The following RCL1 variants were observed in gnomAD, a reference collection of about 807,000 sequenced individuals.
The protein encoded by RCL1 is RNA 3'-terminal phosphate cyclase-like protein.
In RCL1, 24 loss-of-function variants were observed where a neutral mutation model predicts 42.4. The observed-to-expected ratio is 0.57, with a 90% confidence interval of 0.41 to 0.80. The LOEUF is 0.80. Ranked by LOEUF, RCL1 falls within the 30% of genes least tolerant of loss-of-function variation. The pLI is 0.00. For synonymous variants in RCL1, 228 were observed against 177.3 expected (o/e 1.29, Z -2.27); for missense variants, 578 against 467.9 (o/e 1.24, Z -2.17).
At chr9:4,814,900 G>T (rs74308880) in intron 1 of RCL1, among the ~76,000 whole-genome samples, 2 of 148,394 alleles carry the variant, frequency 1.3e-5, no homozygotes, top group African/African-American at 2.5e-5. Flanking sequence ...TTTGGTTGAC[G>T]TTTTTTTTTT....
At chr9:4,834,322 A>G in intron 5 of RCL1, 57 bp downstream of exon 5, 2 of 1,556,822 alleles carry the variant, frequency 1.3e-6, no homozygotes, top group Admixed American at 1.8e-5. Context: ...CCTCACTAAG[A>G]TAAGAATGAC....
chr9:4,851,950 C>T (rs191502872), intron 8 of RCL1, among the ~76,000 whole-genome samples: 6 of 147,514 alleles, frequency 4.1e-5, no homozygotes, highest in African/African-American at 1.0e-4. Flanking sequence ...GCGCAATCTC[C>T]GCCCACTGCA....
At chr9:4,839,583 TGTTTGTCTAAGCTGTCTG>T in intron 5 of RCL1, 1 of 828,102 alleles carries the variant, frequency 1.2e-6, no homozygotes, top group Non-Finnish European at 1.5e-6. Context: ...GATTCAGGAC[TGTTTGTCTAAGCTGTCTG>T]TGGTCAAAAG....
At chr9:4,827,739 T>TGTGTGTGTGTGTGTGTGTGCACGCGC (rs1816809292) in intron 3 of RCL1, among the ~76,000 whole-genome samples, 2 of 117,136 alleles carry the variant, frequency 1.7e-5, no homozygotes, top group South Asian at 6.3e-4. Context: ...GAAGTGTGTG[T>TGTGTGTGTGTGTGTGTGTGCACGCGC]GTGTGTGTGT....
chr9:4,803,422 A>G (rs1427792168), intron 1 of RCL1, among the ~76,000 whole-genome samples: 1 of 152,158 alleles, frequency 6.6e-6, no homozygotes, highest in Admixed American at 6.5e-5. Flanking sequence ...ATCGTATTAA[A>G]ACACAATTCA....
At chr9:4,817,469 A>ACCT (rs1563836453) in intron 1 of RCL1, among the ~76,000 whole-genome samples, 1 of 131,096 alleles carries the variant, frequency 7.6e-6, no homozygotes. Context: ...TTTTTTTTTA[A>ACCT]TCTTTTTTTT....
At chr9:4,797,732 A>T (rs1381357787) in intron 1 of RCL1, among the ~76,000 whole-genome samples, 1 of 152,204 alleles carries the variant, frequency 6.6e-6, no homozygotes, top group Non-Finnish European at 1.5e-5. Flanking sequence ...GAATAGCAGC[A>T]TGTGACACCA....
At chr9:4,829,583 T>C (rs761717407) in intron 3 of RCL1, among the ~76,000 whole-genome samples, 9 of 152,310 alleles carry the variant, frequency 5.9e-5, no homozygotes, top group Admixed American at 1.3e-4. Context: ...CATCACGATC[T>C]TACCTGCTGA....
At position 4,826,860 on chromosome 9, in the gene RCL1, A is replaced by G. The variant is rs141838811; in HGVS notation, c.211A>G (p.Thr71Ala). The G allele has an allele frequency of 1.2e-6, 2 of 1,606,718 alleles. No individual in the cohort carries two copies. The highest frequency in any genetic ancestry group is 2.7e-5 in the African/African-American group (2 of 74,468). The change falls in exon 3 of 9, where the codon ACA (threonine) becomes GCA (alanine). Residue 71 changes from threonine to alanine, a missense_variant and splice_region_variant. By Grantham distance (58) the Thr-to-Ala change is moderately conservative. Transcript: ENST00000381750. ...GGCTCTTTTTCTTCTGGTTTAAGGAACAACCTTATATTATCAGCCTGGCCT... is the reference window on the plus strand; with the variant it reads ...GGCTCTTTTTCTTCTGGTTTAAGGAGCAACCTTATATTATCAGCCTGGCCT... ...GSRIEINQTGTTLYYQPGLLY... is the reference protein window; with the variant it reads ...GSRIEINQTGATLYYQPGLLY...
chr9:4,814,568 C>T (rs1050055486), intron 1 of RCL1, among the ~76,000 whole-genome samples: 2 of 152,172 alleles, frequency 1.3e-5, no homozygotes, highest in African/African-American at 2.4e-5. Flanking sequence ...TACTTAGCCT[C>T]CTGTCCTTAT....
chr9:4,848,347 C>G (rs1423516990), intron 7 of RCL1, among the ~76,000 whole-genome samples: 1 of 152,144 alleles, frequency 6.6e-6, no homozygotes, highest in South Asian at 2.1e-4. Context: ...TCCTTATTTC[C>G]TTCACCATTA....
At chr9:4,853,584 G>A (rs1033916751) in intron 8 of RCL1, among the ~76,000 whole-genome samples, 3 of 152,098 alleles carry the variant, frequency 2.0e-5, no homozygotes, top group Non-Finnish European at 4.4e-5. Flanking sequence ...GCCTCCCAAA[G>A]TGCTGGGATT....
At chr9:4,823,753 T>C (rs772476671) in intron 2 of RCL1, 134 bp downstream of exon 2, 145 of 625,396 alleles carry the variant, frequency 2.3e-4, no homozygotes, top group Non-Finnish European at 3.5e-4. Flanking sequence ...GGTATAAATA[T>C]TATGTTTAAA....
chr9:4,845,670 C>A (rs1213705919), intron 7 of RCL1, among the ~76,000 whole-genome samples: 1 of 152,196 alleles, frequency 6.6e-6, no homozygotes, highest in Admixed American at 6.5e-5. Flanking sequence ...GAAGGTGAAA[C>A]CTTTTCTCTG....
Position 4,839,945 on chromosome 9 carries a change from A to G in RCL1, c.585-1287A>G, listed in dbSNP as rs1057340435. On this transcript the variant is annotated intron_variant, in intron 5 of 8. Coordinates refer to ENST00000381750, the MANE Select transcript of RCL1 (RefSeq NM_005772.5). ...GACCTCGGGCTGGGAGAATGGGGCA[A>G]AGCAGCTCAGGTTGAGGAATTTGGT... The G allele has an allele frequency of 2.8e-5, 27 of 981,614 alleles. No individual in the cohort carries two copies. In the African/African-American group the frequency reaches 3.5e-4, roughly 13 times the overall value. 60.8% of individuals were successfully genotyped at this position (981,614 alleles called of 1,614,324 possible). A position where few individuals can be genotyped will look rare whatever the true frequency, so the allele number is the denominator to read the frequency against.
At chr9:4,811,804 A>G (rs573494795) in intron 1 of RCL1, among the ~76,000 whole-genome samples, 5 of 152,344 alleles carry the variant, frequency 3.3e-5, no homozygotes, top group Admixed American at 6.5e-5. Context: ...ATACTAATTT[A>G]CATTTCCACC....
chr9:4,857,931 CTTTTTTT>C (rs34470773), intron 8 of RCL1, among the ~76,000 whole-genome samples: 2,412 of 103,072 alleles, frequency 0.023, 104 homozygotes, highest in African/African-American at 0.089. Flanking sequence ...AGCTCTCCCA[CTTTTTTT>C]TTTTTTTTTT....
intron 2 of RCL1, among the ~76,000 whole-genome samples, chr9:4,826,633 T>C (rs149826988): frequency 0.012 from 1,780 of 152,332 alleles, 38 homozygotes; most frequent in African/African-American, 0.041. Context: ...AGGGGTTTAC[T>C]TTATTACTGA....
intron 8 of RCL1, among the ~76,000 whole-genome samples, chr9:4,852,212 A>G (rs1414106943): frequency 6.6e-6 from 1 of 151,926 alleles, no homozygotes; most frequent in Non-Finnish European, 1.5e-5. Context: ...GGCCCAAGAG[A>G]TTTTTTTTCA....
Sources: gnomAD v4.1 joint callset for allele counts (sites outside exome capture counted in the v4.1 genomes callset) on GRCh38, gnomAD v4.1.1 for gene constraint, MANE v1.5 for transcripts, NCBI Gene and HGNC (gene_info 2026-07-23, HGNC 2026-07-21) for gene names.